Variants in RSPRY1 observed in about 807,000 individuals in gnomAD.
RSPRY1 encodes the protein RING finger and SPRY domain-containing protein 1.
A neutral mutation model predicts 73.1 loss-of-function variants in RSPRY1; 23 were observed. The ratio of observed to expected loss-of-function variants is 0.31; its 90% CI spans 0.23 to 0.45. The LOEUF is 0.45. Ranked by LOEUF, RSPRY1 falls within the 20% of genes least tolerant of loss-of-function variation. The pLI is 1.00. For missense variants in RSPRY1, 448 were observed against 698.7 expected (o/e 0.64, Z 4.05); for synonymous variants, 226 against 251.4 (o/e 0.90, Z 0.95).
rs932565954 is a variant in RSPRY1, at chr16:57,240,402, C to T, written c.*1427C>T. ...TAAATATATATGTAGGATACATGTTCTCTTCTTTAGCTTGTGGTGAATACA... is the reference window on the plus strand; with the variant it reads ...TAAATATATATGTAGGATACATGTTTTCTTCTTTAGCTTGTGGTGAATACA... On this transcript the variant is annotated 3_prime_UTR_variant, in exon 15 of 15. Coordinates refer to ENST00000394420, the MANE Select transcript of RSPRY1 (RefSeq NM_133368.3). 2 of 151,678 alleles carry T rather than the reference C, an allele frequency of 1.3e-5. No homozygotes were observed. Among genetic ancestry groups the T allele is most frequent in the Non-Finnish European group, 2.9e-5 (2 of 67,966 alleles). The allele number at this position is 151,678 out of a possible 1,614,324, so 9.4% of individuals were successfully genotyped here. A position where few individuals can be genotyped will look rare whatever the true frequency, so the allele number is the denominator to read the frequency against.
intron 1 of RSPRY1, among the ~76,000 whole-genome samples, chr16:57,189,774 T>A (rs1248145581): frequency 1.3e-5 from 2 of 151,508 alleles, no homozygotes; most frequent in Non-Finnish European, 2.9e-5. Flanking sequence ...GCACTTTTTT[T>A]AAGACAGGGT....
chr16:57,230,754 G>C lies in RSPRY1; in HGVS notation c.1317G>C (p.Met439Ile). Residue 439 changes from methionine (M) to isoleucine (I), a missense_variant, in exon 12 of 15, where the codon ATG becomes ATC. Physicochemically the swap from Met to Ile is conservative, Grantham distance 10. Coordinates refer to ENST00000394420, the MANE Select transcript of RSPRY1 (RefSeq NM_133368.3). ...TGTTAGACTTGAATGAAAAGCAAAT[G>C]ATCTTCTTTTTAAATGGCAACCAGC... ...GFLLDLNEKQMIFFLNGNQLP... is the reference protein window; with the variant it reads ...GFLLDLNEKQIIFFLNGNQLP... 1 of 1,611,636 alleles carries C rather than the reference G, an allele frequency of 6.2e-7. No individual in the cohort carries two copies. Among genetic ancestry groups the C allele is most frequent in the Non-Finnish European group, 8.5e-7 (1 of 1,178,572 alleles).
chr16:57,227,119 A>C (rs2075131689), intron 10 of RSPRY1, among the ~76,000 whole-genome samples: 1 of 152,226 alleles, frequency 6.6e-6, no homozygotes, highest in Admixed American at 6.5e-5. Flanking sequence ...TGCCTGAACA[A>C]AGGAGGCACT....
chr16:57,215,035 A>G (rs1232513910), intron 6 of RSPRY1, among the ~76,000 whole-genome samples: 2 of 152,144 alleles, frequency 1.3e-5, no homozygotes, highest in African/African-American at 4.8e-5. Context: ...CTCAAAAAAA[A>G]AAAAAGACTA....
chr16:57,214,378 C>A (rs2074900912), intron 6 of RSPRY1, among the ~76,000 whole-genome samples: 1 of 152,178 alleles, frequency 6.6e-6, no homozygotes. Context: ...ACTGTTGTCA[C>A]TGGAATATTT....
chr16:57,220,941 C>T, intron 9 of RSPRY1, 94 bp downstream of exon 9: 1 of 889,946 alleles, frequency 1.1e-6, no homozygotes, highest in Non-Finnish European at 1.8e-6. Flanking sequence ...TGGTGCTTCC[C>T]ACTCTCCCTG....
rs1237175240 is a variant in RSPRY1, at chr16:57,202,878, T to TTTTATATATATATATATA, written c.-155-1625_-155-1624insTTATATATATATATATAT. Among the ~76,000 whole-genome samples the TTTTATATATATATATATA allele has an allele frequency of 1.6e-4, 21 of 131,632 alleles. No individual in the cohort carries two copies. In the East Asian group the frequency reaches 3.3e-3, roughly 21 times the overall value. The allele number at this position is 131,632 out of a possible 152,430, so 86.4% of individuals were successfully genotyped here. ...TTTATATATATTTTATTACATATGA[T>TTTTATATATATATATATA]TATATATATATATATATATATATAT... On this transcript the variant is annotated intron_variant, in intron 1 of 14. Transcript: ENST00000394420.
intron 1 of RSPRY1, among the ~76,000 whole-genome samples, chr16:57,199,266 G>A (rs1377745154): frequency 2.6e-5 from 4 of 152,268 alleles, no homozygotes; most frequent in East Asian, 1.9e-4. Flanking sequence ...AGGCCGAGGC[G>A]GGCGGATCAC....
chr16:57,238,699 A>C (rs145217551), intron 14 of RSPRY1, among the ~76,000 whole-genome samples, 180 bp from the exon 15 acceptor site: 8 of 152,250 alleles, frequency 5.3e-5, no homozygotes, highest in African/African-American at 1.9e-4. Context: ...GACTAAGACA[A>C]TTGAGGATCA....
intron 8 of RSPRY1, 165 bp from the exon 9 acceptor site, chr16:57,220,566 TA>T (rs1244935952): frequency 2.5e-6 from 1 of 398,282 alleles, no homozygotes; most frequent in African/African-American, 2.0e-5. Flanking sequence ...TAGGTTTTCC[TA>T]AATATAAGAT....
At chr16:57,193,145 G>T (rs1271953795) in intron 1 of RSPRY1, among the ~76,000 whole-genome samples, 2 of 152,198 alleles carry the variant, frequency 1.3e-5, no homozygotes. Flanking sequence ...TACAGTTCAG[G>T]AGTTAATGGT....
chr16:57,225,506 C>T (rs2075106864), intron 10 of RSPRY1, among the ~76,000 whole-genome samples: 1 of 152,212 alleles, frequency 6.6e-6, no homozygotes, highest in Non-Finnish European at 1.5e-5. Flanking sequence ...AGTACAAAAT[C>T]ATTGTTGCAT....
At chr16:57,215,113 G>A (rs1168388931) in intron 6 of RSPRY1, among the ~76,000 whole-genome samples, 2 of 152,124 alleles carry the variant, frequency 1.3e-5, no homozygotes, top group African/African-American at 2.4e-5. Context: ...CCTGATGAAG[G>A]TGGACCCTCA....
At chr16:57,207,849 G>C (rs181021260) in intron 2 of RSPRY1, among the ~76,000 whole-genome samples, 17 of 152,196 alleles carry the variant, frequency 1.1e-4, no homozygotes, top group African/African-American at 3.9e-4. Flanking sequence ...TTTGTCTGTG[G>C]GTCATTGTGG....
chr16:57,196,542 T>C (rs1459280379), intron 1 of RSPRY1, among the ~76,000 whole-genome samples: 1 of 152,182 alleles, frequency 6.6e-6, no homozygotes. Context: ...TGATTCTGGC[T>C]ATTCGTAGTG....
chr16:57,222,972 T>C (rs527900466), intron 10 of RSPRY1, among the ~76,000 whole-genome samples: 4 of 152,106 alleles, frequency 2.6e-5, no homozygotes, highest in Admixed American at 2.6e-4. Context: ...CTTTGGCTTG[T>C]CAAGTTAAAG....
At chr16:57,236,457 A>G (rs2146397190) in intron 14 of RSPRY1, among the ~76,000 whole-genome samples, 1 of 152,352 alleles carries the variant, frequency 6.6e-6, no homozygotes, top group Middle Eastern at 3.4e-3. Context: ...CAATTTTAAA[A>G]GGGATATAGG....
intron 1 of RSPRY1, among the ~76,000 whole-genome samples, chr16:57,194,920 A>G (rs559500541): frequency 2.8e-4 from 42 of 152,166 alleles, no homozygotes; most frequent in Non-Finnish European, 5.7e-4. Flanking sequence ...AGTGAGTACC[A>G]GAACCTTACT....
chr16:57,225,869 T>A (rs1460724566), intron 10 of RSPRY1, among the ~76,000 whole-genome samples: 1 of 152,128 alleles, frequency 6.6e-6, no homozygotes, highest in African/African-American at 2.4e-5. Context: ...ACCTGAGGTC[T>A]AGAGTTCGAG....
Sources: allele counts gnomAD v4.1 joint callset (sites outside exome capture counted in the v4.1 genomes callset), GRCh38; gene constraint gnomAD v4.1.1; transcripts MANE v1.5; gene names NCBI Gene and HGNC (gene_info 2026-07-23, HGNC 2026-07-21).